The following TRPV5 variants were observed in gnomAD, a reference collection of about 807,000 sequenced individuals.
TRPV5 encodes calcium transport protein 2.
TRPV5 carries 66 observed loss-of-function variants against 74.1 expected under a neutral mutation model. That is an observed-to-expected ratio of 0.89 (90% CI 0.73 to 1.09). The LOEUF is 1.09. TRPV5 is among the 50% of genes least tolerant of loss of function. The pLI, the probability that TRPV5 is intolerant of heterozygous loss-of-function variation, is 0.00. For missense variants in TRPV5, 936 were observed against 930.4 expected (o/e 1.01, Z -0.08); for synonymous variants, 399 against 360.7 (o/e 1.11, Z -1.20).
intron 10 of TRPV5, 118 bp downstream of exon 10, chr7:142,915,189 A>T: frequency 6.6e-7 from 1 of 1,515,276 alleles, no homozygotes; most frequent in Non-Finnish European, 9.0e-7. Context: ...CTACAAGTCC[A>T]CTGGAGAGAA....
chr7:142,933,268 C>A, intron 1 of TRPV5, 64 bp downstream of exon 1: 1 of 1,589,406 alleles, frequency 6.3e-7, no homozygotes, highest in South Asian at 1.1e-5. Flanking sequence ...GAAAGCAGGC[C>A]CAGGTGGGTC....
chr7:142,915,321 T>C lies in TRPV5; in HGVS notation c.1272A>G (p.Pro424=), dbSNP rs1279898516. The C allele has an allele frequency of 1.9e-6, 3 of 1,608,934 alleles. No homozygotes were observed. Among genetic ancestry groups the C allele is most frequent in the East Asian group, 2.2e-5 (1 of 44,846 alleles). Residue 424 remains proline, a synonymous_variant, in exon 10 of 15, where the codon CCA becomes CCG. Transcript: ENST00000265310. ...GGGATACTCACATGATGACATGGAA[T>C]GGCCCCCCAAGAATCGTCTTTCCAA... The part of the protein sequence containing the change: ...RYFGKTILGG[P]FHVIIITYAS...
At chr7:142,929,636 C>G (rs1043288827) in intron 3 of TRPV5, 71 bp from the exon 4 acceptor site, 27 of 1,582,182 alleles carry the variant, frequency 1.7e-5, no homozygotes, top group Non-Finnish European at 2.2e-5. Context: ...GCATCCCCCA[C>G]CATCCCTCTC....
intron 8 of TRPV5, among the ~76,000 whole-genome samples, chr7:142,917,559 G>A (rs948348601): frequency 2.4e-4 from 37 of 152,150 alleles, no homozygotes; most frequent in African/African-American, 8.9e-4. Flanking sequence ...CTCTAATGCT[G>A]GGGACAGTTT....
intron 1 of TRPV5, among the ~76,000 whole-genome samples, 169 bp downstream of exon 1, chr7:142,933,163 G>A (rs1029459063): frequency 6.6e-6 from 1 of 152,178 alleles, no homozygotes; most frequent in Non-Finnish European, 1.5e-5. Flanking sequence ...GCCACTAAAA[G>A]GGGCCAGCTG....
At position 142,930,126 on chromosome 7, in the gene TRPV5, G is replaced by A. The variant is rs760942343; in HGVS notation, c.281C>T (p.Ala94Val). ...HIAALYDNLE[A>V]ALVLMEAAPE... ...GGCAGCCTCCATCAGCACCAAGGCC[G>A]CCTCCAAGTTGTCATAGAGGGCTGC... Residue 94 changes from alanine to valine, a missense_variant, in exon 3 of 15, where the codon GCG (alanine) becomes GTG (valine). Ala to Val is a moderately conservative substitution (Grantham distance 64). Transcript: ENST00000265310. The A allele has an allele frequency of 3.5e-5, 57 of 1,614,032 alleles. No homozygotes were observed. The highest frequency in any genetic ancestry group is 1.6e-4 in the Middle Eastern group (1 of 6,084).
Position 142,933,618 on chromosome 7 carries a change from T to A in TRPV5, c.-159A>T, listed in dbSNP as rs2116615399. The A allele has an allele frequency of 6.4e-6, 6 of 935,852 alleles. No individual in the cohort carries two copies. In the South Asian group the frequency reaches 8.2e-5, roughly 13 times the overall value. The allele number at this position is 935,852 out of a possible 1,614,324, so 58.0% of individuals were successfully genotyped here. ...ATGCAGCATGCAGCTTGTAGGTGTG[T>A]GTGTGTGCATGCAGTATGTGGGTTG... On this transcript the variant is annotated 5_prime_UTR_variant, in exon 1 of 15. Coordinates refer to ENST00000265310, the MANE Select transcript of TRPV5 (RefSeq NM_019841.7).
chr7:142,929,106 A>G lies in TRPV5; in HGVS notation c.502T>C (p.Ser168Pro). Residue 168 changes from serine to proline, a missense_variant, in exon 5 of 15, where the codon TCC becomes CCC. Physicochemically the swap from Ser to Pro is moderately conservative, Grantham distance 74. Transcript: ENST00000265310. ...NLIYFGEHPLSFAACVNSEEI... is the reference protein window; with the variant it reads ...NLIYFGEHPLPFAACVNSEEI... ...TCGCTGTTCACACAGGCAGCAAAGG[A>G]CAAAGGGTGCTCCCCTGTGGACACA... is the stretch of plus-strand genomic sequence containing the variant. 3 of 1,614,098 alleles carry G rather than the reference A, an allele frequency of 1.9e-6. No homozygotes were observed. The highest frequency in any genetic ancestry group is 2.5e-6 in the Non-Finnish European group (3 of 1,179,990).
chr7:142,929,159 A>T, intron 4 of TRPV5, 39 bp from the exon 5 acceptor site: 1 of 1,604,942 alleles, frequency 6.2e-7, no homozygotes, highest in South Asian at 1.1e-5. Context: ...AGAACGCAGG[A>T]TGGCAGGATG....
chr7:142,925,702 C>T lies in TRPV5; in HGVS notation c.949G>A (p.Val317Met), dbSNP rs1301942401. The T allele has an allele frequency of 1.2e-6, 2 of 1,614,036 alleles. No individual in the cohort carries two copies. The highest frequency in any genetic ancestry group is 1.3e-5 in the African/African-American group (1 of 74,902). ...CCATACTTGTTCCACTTGAAGCTCA[C>T]CAGCTCCTTCACTGGGGTCTGTTCC... Reference protein sequence around the residue: ...ILEQTPVKELVSFKWNKYGRP... With the variant: ...ILEQTPVKELMSFKWNKYGRP... The change falls in exon 8 of 15, where the codon GTG becomes ATG. Residue 317 changes from valine to methionine, a missense_variant. Val to Met is a conservative substitution (Grantham distance 21). Transcript: ENST00000265310.
Position 142,912,770 on chromosome 7 carries a change from G to A in TRPV5, c.1520-20C>T, listed in dbSNP as rs1795722817. On this transcript the variant is annotated intron_variant, in intron 12 of 14. Coordinates refer to ENST00000265310, the MANE Select transcript of TRPV5 (RefSeq NM_019841.7). ...AGAACGCTGCTCCGCCCAGGAAGAG[G>A]ACATGGAGATGGGATAATGGAGTTA... 3.1e-6 allele frequency: 5 copies of A among 1,608,650 alleles called. No homozygotes were observed. Among genetic ancestry groups the A allele is most frequent in the Non-Finnish European group, 4.3e-6 (5 of 1,175,626 alleles).
chr7:142,924,038 T>C (rs1043817718), intron 8 of TRPV5, among the ~76,000 whole-genome samples: 2 of 151,850 alleles, frequency 1.3e-5, no homozygotes, highest in Non-Finnish European at 1.5e-5. Context: ...CTCCCTCCAC[T>C]TGCCATCTCC....
Position 142,933,634 on chromosome 7 carries a change from A to G in TRPV5, c.-175T>C, listed in dbSNP as rs1193251867. On this transcript the variant is annotated 5_prime_UTR_variant, in exon 1 of 15. Coordinates refer to ENST00000265310, the MANE Select transcript of TRPV5 (RefSeq NM_019841.7). ...GTAGGTGTGTGTGTGTGCATGCAGT[A>G]TGTGGGTTGTGGGGTGTGCGTGTAT... 2.4e-6 allele frequency: 2 copies of G among 820,892 alleles called. No homozygotes were observed. Among genetic ancestry groups the G allele is most frequent in the Non-Finnish European group, 3.8e-6 (2 of 527,328 alleles). 50.9% of individuals were successfully genotyped at this position (820,892 alleles called of 1,614,324 possible).
At chr7:142,920,980 C>T (rs890614843) in intron 8 of TRPV5, among the ~76,000 whole-genome samples, 2 of 151,940 alleles carry the variant, frequency 1.3e-5, no homozygotes, top group Non-Finnish European at 2.9e-5. Flanking sequence ...TGGTTCTCCT[C>T]ATCTCTTTCC....
chr7:142,920,260 G>C (rs1365099131), intron 8 of TRPV5, among the ~76,000 whole-genome samples: 1 of 152,102 alleles, frequency 6.6e-6, no homozygotes, highest in East Asian at 1.9e-4. Flanking sequence ...TTTTCTCAGG[G>C]GTATTGGCTT....
intron 6 of TRPV5, 71 bp downstream of exon 6, chr7:142,928,620 T>G: frequency 6.6e-7 from 1 of 1,519,788 alleles, no homozygotes; most frequent in Non-Finnish European, 8.8e-7. Context: ...TCACCTCTAT[T>G]TCTCCCAGGG....
intron 3 of TRPV5, 128 bp from the exon 4 acceptor site, chr7:142,929,693 C>T: frequency 1.4e-6 from 2 of 1,429,518 alleles, no homozygotes; most frequent in African/African-American, 1.4e-5. Context: ...CTGGGCTTGG[C>T]AGGGTGGCCT....
intron 8 of TRPV5, chr7:142,925,188 C>T (rs1795961572): frequency 2.0e-6 from 1 of 496,836 alleles, no homozygotes; most frequent in African/African-American, 2.2e-5. Flanking sequence ...GCACAATTTT[C>T]CTCCTTTTGA....
intron 7 of TRPV5, among the ~76,000 whole-genome samples, chr7:142,926,374 T>C (rs1795989848): frequency 6.6e-6 from 1 of 151,998 alleles, no homozygotes; most frequent in South Asian, 2.1e-4. Context: ...ACGTTAAAGA[T>C]ACACAGGAGA....
Sources: gnomAD v4.1 joint callset for allele counts (sites outside exome capture counted in the v4.1 genomes callset) on GRCh38, gnomAD v4.1.1 for gene constraint, MANE v1.5 for transcripts, NCBI Gene and HGNC (gene_info 2026-07-23, HGNC 2026-07-21) for gene names.